The following ARHGAP22 variants were observed in gnomAD, a reference collection of about 807,000 sequenced individuals.
The protein encoded by ARHGAP22 is Rho GTPase activating protein 22, also known as rho GTPase-activating protein 22.
ARHGAP22 carries 48 observed loss-of-function variants against 59.1 expected under a neutral mutation model. That is an observed-to-expected ratio of 0.81 (90% confidence interval 0.64 to 1.03). ARHGAP22 has a LOEUF of 1.03. ARHGAP22 is among the 50% of genes least tolerant of loss of function. The pLI is 0.00. For missense variants in ARHGAP22, 1,015 were observed against 958.7 expected, an observed-to-expected ratio of 1.06 and a Z score of -0.78; for synonymous variants, 445 against 416.4, an observed-to-expected ratio of 1.07 and a Z score of -0.84.
At chr10:48,497,965 G>C (rs1345058352) in intron 3 of ARHGAP22, among the ~76,000 whole-genome samples, 1 of 152,176 alleles carries the variant, frequency 6.6e-6, no homozygotes, top group East Asian at 1.9e-4. Context: ...TAGACTGAGA[G>C]CAGCAGAAAC....
chr10:48,519,557 C>G, intron 3 of ARHGAP22, among the ~76,000 whole-genome samples: 1 of 152,234 alleles, frequency 6.6e-6, no homozygotes, highest in East Asian at 1.9e-4. Context: ...GCTCTTGCTA[C>G]TGTTCACAAG....
intron 1 of ARHGAP22, among the ~76,000 whole-genome samples, chr10:48,602,648 C>T (rs1018092761): frequency 6.6e-6 from 1 of 152,192 alleles, no homozygotes; most frequent in Non-Finnish European, 1.5e-5. Flanking sequence ...ACTCAAAAAA[C>T]ACAGGTTGAG....
Position 48,602,955 on chromosome 10 carries a change from C to T in ARHGAP22, c.34+1808G>A, listed in dbSNP as rs114933001. ...GTGTGTATGTTTGTATGCATGAACGCATGTGCACACACATACAGGCATGCA... is the reference window on the plus strand; with the variant it reads ...GTGTGTATGTTTGTATGCATGAACGTATGTGCACACACATACAGGCATGCA... On this transcript the variant is annotated intron_variant, in intron 1 of 9. Coordinates refer to ENST00000249601, the MANE Select transcript of ARHGAP22 (RefSeq NM_021226.4). 2.0e-3 allele frequency among the ~76,000 whole-genome samples: 299 copies of T among 152,276 alleles called. 1 individual carries two copies. Among genetic ancestry groups the T allele is most frequent in the African/African-American group, 6.9e-3 (286 of 41,544 alleles).
chr10:48,517,028 C>G (rs780481503), intron 3 of ARHGAP22, among the ~76,000 whole-genome samples: 13 of 151,944 alleles, frequency 8.6e-5, no homozygotes, highest in Non-Finnish European at 1.5e-4. Context: ...TGTATGAAAA[C>G]AGTTTCATGG....
intron 2 of ARHGAP22, among the ~76,000 whole-genome samples, chr10:48,572,116 C>T (rs1291345550): frequency 6.6e-6 from 1 of 152,192 alleles, no homozygotes; most frequent in South Asian, 2.1e-4. Flanking sequence ...AATAATGTTA[C>T]AGTAGTGATC....
At position 48,542,420 on chromosome 10, in the gene ARHGAP22, T is replaced by A. The variant is rs576405726; in HGVS notation, c.322+13043A>T. 2.0e-5 allele frequency among the ~76,000 whole-genome samples: 3 copies of A among 152,366 alleles called. No homozygotes were observed. The East Asian group carries it at 5.8e-4, about 29-fold the overall frequency. On this transcript the variant is annotated intron_variant, in intron 3 of 9. Transcript: ENST00000249601. ...CTTAATCATTCTATCTTTAAATTTG[T>A]GTTTTTTAAGTGAAGTCGAGTGGGC...
At chr10:48,445,917 G>C (rs756994281), downstream of ARHGAP22, 1 of 167,014 alleles carries the variant, frequency 6.0e-6, no homozygotes, top group African/African-American at 2.4e-5. Context: ...CACAATGCCT[G>C]TGCTATTCCA....
At chr10:48,552,727 C>T (rs1342484720) in intron 3 of ARHGAP22, among the ~76,000 whole-genome samples, 2 of 152,348 alleles carry the variant, frequency 1.3e-5, no homozygotes, top group Non-Finnish European at 2.9e-5. Flanking sequence ...TGAGGTCACA[C>T]GAGAGGTTTG....
At chr10:48,579,998 C>T (rs2059010150) in intron 2 of ARHGAP22, among the ~76,000 whole-genome samples, 1 of 152,052 alleles carries the variant, frequency 6.6e-6, no homozygotes, top group Non-Finnish European at 1.5e-5. Context: ...CAGTGGGGTG[C>T]CATAGAAGCC....
chr10:48,499,058 A>C (rs1425547470), intron 3 of ARHGAP22, among the ~76,000 whole-genome samples: 1 of 152,080 alleles, frequency 6.6e-6, no homozygotes, highest in African/African-American at 2.4e-5. Context: ...TCTTGCAGCC[A>C]CTCCGGCCAG....
At chr10:48,568,291 G>A (rs1051534185) in intron 2 of ARHGAP22, among the ~76,000 whole-genome samples, 1 of 152,208 alleles carries the variant, frequency 6.6e-6, no homozygotes, top group African/African-American at 2.4e-5. Context: ...TCCAAGAGGG[G>A]TTGTGGACCC....
chr10:48,553,261 G>A (rs1255311507), intron 3 of ARHGAP22, among the ~76,000 whole-genome samples: 1 of 152,266 alleles, frequency 6.6e-6, no homozygotes, highest in African/African-American at 2.4e-5. Context: ...CTGCTCAGCA[G>A]CTGCACAAAG....
intron 3 of ARHGAP22, among the ~76,000 whole-genome samples, chr10:48,485,719 A>G (rs1228776359): frequency 6.6e-6 from 1 of 152,210 alleles, no homozygotes; most frequent in East Asian, 1.9e-4. Flanking sequence ...CCTCTTGAAG[A>G]ACTGACCTCT....
At chr10:48,625,693 T>TACACAC (rs56897057) in intron 1 of ARHGAP22, among the ~76,000 whole-genome samples, 1,620 of 138,944 alleles carry the variant, frequency 0.012, 20 homozygotes, top group African/African-American at 0.015. Flanking sequence ...CTGCAACGTG[T>TACACAC]ACACACACAC....
intron 3 of ARHGAP22, among the ~76,000 whole-genome samples, chr10:48,482,319 C>T (rs144585225): frequency 5.3e-5 from 8 of 152,350 alleles, no homozygotes; most frequent in African/African-American, 7.2e-5. Flanking sequence ...TGCATATGCA[C>T]ATTCCAGCCC....
At chr10:48,638,011 A>G (rs369458796) in intron 1 of ARHGAP22, among the ~76,000 whole-genome samples, 1 of 152,214 alleles carries the variant, frequency 6.6e-6, no homozygotes, top group African/African-American at 2.4e-5. Context: ...GGACTGCTTA[A>G]GTAGTCTCCT....
chr10:48,485,266 C>T (rs2049741583), intron 3 of ARHGAP22, among the ~76,000 whole-genome samples: 2 of 152,108 alleles, frequency 1.3e-5, no homozygotes, highest in African/African-American at 4.8e-5. Flanking sequence ...CCCTGAACTA[C>T]TACTTTAGAG....
At chr10:48,569,134 C>T (rs1375457429) in intron 2 of ARHGAP22, among the ~76,000 whole-genome samples, 5 of 152,182 alleles carry the variant, frequency 3.3e-5, no homozygotes, top group African/African-American at 1.2e-4. Flanking sequence ...TAGTGCTATG[C>T]TCTGGGGTAT....
At chr10:48,470,237 A>G (rs1303912320) in intron 4 of ARHGAP22, among the ~76,000 whole-genome samples, 3 of 152,248 alleles carry the variant, frequency 2.0e-5, no homozygotes, top group Non-Finnish European at 4.4e-5. Context: ...TGAACCAGCA[A>G]GGTGGTTAAA....
Sources: gnomAD v4.1 joint callset for allele counts (sites outside exome capture counted in the v4.1 genomes callset) on GRCh38, gnomAD v4.1.1 for gene constraint, MANE v1.5 for transcripts, NCBI Gene and HGNC (gene_info 2026-07-23, HGNC 2026-07-21) for gene names.